ANXA8: variants seen among roughly 807,000 people sequenced by gnomAD.
ANXA8 encodes annexin A8, also known as VAC-beta.
A neutral mutation model predicts 26.8 loss-of-function variants in ANXA8; 9 were observed. The observed-to-expected ratio is 0.34, with a 90% CI of 0.20 to 0.59. The LOEUF is 0.59. Among genes scored for constraint, ANXA8 ranks in the 20% least tolerant of loss-of-function variants. ANXA8 has a pLI of 0.84. For synonymous variants in ANXA8, 39 were observed against 94.8 expected (o/e 0.41, Z 3.42); for missense variants, 83 against 238.5 (o/e 0.35, Z 4.29).
At chr10:47,654,341 TA>T in the ANXA8 span, among the ~76,000 whole-genome samples, 1 of 144,742 alleles carries the variant, frequency 6.9e-6, no homozygotes, top group African/African-American at 2.8e-5. Context: ...AAGCTAGTGA[TA>T]AAAATTTCGT....
chr10:47,988,867 GCTATCTA>G, the ANXA8 span, among the ~76,000 whole-genome samples: 1 of 151,706 alleles, frequency 6.6e-6, no homozygotes, highest in African/African-American at 2.4e-5. Context: ...TTGAAAGCCT[GCTATCTA>G]CTAGGCCCTG....
the ANXA8 span, among the ~76,000 whole-genome samples, chr10:47,660,650 C>T: frequency 6.6e-6 from 1 of 151,828 alleles, no homozygotes; most frequent in Non-Finnish European, 1.5e-5. Context: ...ATCTGCCTGC[C>T]TCGGTCTCCC....
At chr10:47,555,022 C>A in the ANXA8 span, among the ~76,000 whole-genome samples, 2 of 151,208 alleles carry the variant, frequency 1.3e-5, no homozygotes, top group Non-Finnish European at 2.9e-5. Context: ...GGACTGCAAC[C>A]CTCACAGTAT....
At chr10:47,579,718 G>T in the ANXA8 span, among the ~76,000 whole-genome samples, 4 of 67,658 alleles carry the variant, frequency 5.9e-5, 1 homozygote, top group Non-Finnish European at 1.5e-4. Context: ...AAAGTGAAAA[G>T]ATGGAAAGAG....
chr10:47,527,711 T>C, the ANXA8 span, among the ~76,000 whole-genome samples: 72 of 140,078 alleles, frequency 5.1e-4, 4 homozygotes, highest in Middle Eastern at 3.7e-3. Context: ...GAACTGGAGG[T>C]GAGAAAACAA....
the ANXA8 span, among the ~76,000 whole-genome samples, chr10:47,724,452 G>A: frequency 7.1e-6 from 1 of 141,190 alleles, no homozygotes; most frequent in Non-Finnish European, 1.6e-5. Flanking sequence ...TAGCCACGTG[G>A]CCTTCTTTCA....
chr10:47,515,830 A>C, the ANXA8 span, among the ~76,000 whole-genome samples: 4 of 119,588 alleles, frequency 3.3e-5, no homozygotes, highest in Non-Finnish European at 6.9e-5. Flanking sequence ...ATGAAAAGCT[A>C]GTCAGGCTTC....
chr10:47,962,349 C>T, the ANXA8 span, among the ~76,000 whole-genome samples: 2 of 150,366 alleles, frequency 1.3e-5, no homozygotes, highest in African/African-American at 2.4e-5. Flanking sequence ...AGAGAGTACG[C>T]GGCCATGGGA....
chr10:47,552,346 T>C, the ANXA8 span, among the ~76,000 whole-genome samples: 1 of 151,274 alleles, frequency 6.6e-6, no homozygotes, highest in East Asian at 2.0e-4. Context: ...ATTCTAACTC[T>C]AAATAGTCAC....
At chr10:47,620,664 A>G in the ANXA8 span, among the ~76,000 whole-genome samples, 5 of 106,842 alleles carry the variant, frequency 4.7e-5, 2 homozygotes, top group African/African-American at 1.8e-4. Flanking sequence ...ATGAACTTTA[A>G]ATGTCTTGTA....
the ANXA8 span, among the ~76,000 whole-genome samples, chr10:47,949,121 TACACACACACAC>T: frequency 7.4e-5 from 1 of 13,570 alleles, no homozygotes. Flanking sequence ...GCCAATTCCT[TACACACACACAC>T]ACACACACAC....
At chr10:47,953,802 CATT>C in the ANXA8 span, among the ~76,000 whole-genome samples, 4 of 150,894 alleles carry the variant, frequency 2.7e-5, no homozygotes, top group South Asian at 4.2e-4. Flanking sequence ...TGCTCAACAT[CATT>C]GATTGTCAGA....
At chr10:47,556,553 C>T in the ANXA8 span, among the ~76,000 whole-genome samples, 1 of 151,834 alleles carries the variant, frequency 6.6e-6, no homozygotes, top group Non-Finnish European at 1.5e-5. Flanking sequence ...AATGCATAAT[C>T]TTCCATCCAT....
the ANXA8 span, among the ~76,000 whole-genome samples, chr10:47,668,051 T>A: frequency 6.6e-6 from 1 of 151,784 alleles, no homozygotes; most frequent in African/African-American, 2.4e-5. Flanking sequence ...CTCAGTGTTT[T>A]CAGTTACGAA....
chr10:47,645,891 A>G, the ANXA8 span, among the ~76,000 whole-genome samples: 2 of 149,760 alleles, frequency 1.3e-5, no homozygotes, highest in Non-Finnish European at 2.9e-5. Context: ...CTGATATTGG[A>G]ACACCTGGTT....
At chr10:47,895,952 C>G in the ANXA8 span, among the ~76,000 whole-genome samples, 1 of 142,380 alleles carries the variant, frequency 7.0e-6, no homozygotes, top group African/African-American at 2.7e-5. Flanking sequence ...ATAACCCACA[C>G]TGTGTGCAGT....
At chr10:47,494,863 A>G in the ANXA8 span, among the ~76,000 whole-genome samples, 198 of 152,232 alleles carry the variant, frequency 1.3e-3, no homozygotes, top group African/African-American at 4.4e-3. Flanking sequence ...TAAGGGAACC[A>G]ATAAGAGATG....
the ANXA8 span, among the ~76,000 whole-genome samples, chr10:47,684,221 T>C: frequency 5.3e-5 from 8 of 152,234 alleles, no homozygotes; most frequent in African/African-American, 1.9e-4. Flanking sequence ...TAATCAGTTG[T>C]CCATAACTTT....
At chr10:47,691,208 G>A in the ANXA8 span, 5 of 1,498,132 alleles carry the variant, frequency 3.3e-6, no homozygotes, top group Non-Finnish European at 4.6e-6. Context: ...AGTGTTTCTT[G>A]GAGATATAAT....
Sources: allele counts gnomAD v4.1 joint callset (sites outside exome capture counted in the v4.1 genomes callset), GRCh38; gene constraint gnomAD v4.1.1; transcripts MANE v1.5; gene names NCBI Gene and HGNC (gene_info 2026-07-23, HGNC 2026-07-21).